The following COL12A1 variants were observed in gnomAD, a reference collection of about 807,000 sequenced individuals.
COL12A1 encodes the protein collagen type XII alpha 1 chain, also known as collagen alpha-1(XII) chain.
Under a neutral mutation model 349.7 loss-of-function variants are expected in COL12A1, and 114 were observed. The observed-to-expected ratio is 0.33, with a 90% CI of 0.28 to 0.38. The LOEUF (loss-of-function observed/expected upper bound fraction) is 0.38, where lower values mean the gene tolerates loss of function less well. COL12A1 is among the 10% of genes least tolerant of loss of function. The probability of loss-of-function intolerance (pLI) is 1.00; values close to 1 mark genes in which losing one functional copy is unlikely to be tolerated. For missense variants in COL12A1, 3,284 were observed against 3,756.9 expected (o/e 0.87, Z 3.29); for synonymous variants, 1,369 against 1,329.0 (o/e 1.03, Z -0.66).
At chr6:75,157,309 G>C (rs78359667) in intron 14 of COL12A1, among the ~76,000 whole-genome samples, 6,974 of 151,592 alleles carry the variant, frequency 0.046, 222 homozygotes, top group Non-Finnish European at 0.07. Flanking sequence ...GTGTTCAAAA[G>C]AACATAAACA....
intron 59 of COL12A1, among the ~76,000 whole-genome samples, chr6:75,095,897 C>T (rs1768004792): frequency 6.6e-6 from 1 of 152,068 alleles, no homozygotes; most frequent in Non-Finnish European, 1.5e-5. Context: ...AAAATTTAGG[C>T]TGGAGAAGAA....
Position 75,151,925 on chromosome 6 carries a change from G to A in COL12A1, c.3942C>T (p.Asp1314=), listed in dbSNP as rs570245614. The A allele has an allele frequency of 1.7e-5, 27 of 1,613,838 alleles. No homozygotes were observed. Among genetic ancestry groups the A allele is most frequent in the East Asian group, 1.3e-4 (6 of 44,880 alleles). ...GTTTCTTTGAAGGTGCTTCAACATC[G>A]TCTTGTGATTTTCCATCAGTAATGA... The part of the protein sequence containing the change: ...GVLITDGKSQ[D]DVEAPSKKLK... The change falls in exon 20 of 66, where the codon GAC becomes GAT. Residue 1314 remains aspartate, a synonymous_variant. Coordinates refer to ENST00000322507, the MANE Select transcript of COL12A1 (RefSeq NM_004370.6).
chr6:75,164,514 GC>G (rs989444485), intron 14 of COL12A1, among the ~76,000 whole-genome samples: 2 of 152,148 alleles, frequency 1.3e-5, no homozygotes, highest in African/African-American at 4.8e-5. Context: ...GCTTAGAAAT[GC>G]CCATGCTTAA....
At position 75,113,696 on chromosome 6, in the gene COL12A1, T is replaced by C. The variant is rs1189744894; in HGVS notation, c.7746A>G (p.Leu2582=). The change falls in exon 50 of 66, where the codon TTA becomes TTG. Residue 2582 remains leucine (L), a synonymous_variant. Coordinates refer to ENST00000322507, the MANE Select transcript of COL12A1 (RefSeq NM_004370.6). Reference sequence around the variant, plus strand: ...TGGGAGTTTCTGGGAGAAGTCTGAATAATAATATAATCGTGTATGAAGGAG... The same window carrying C: ...TGGGAGTTTCTGGGAGAAGTCTGAACAATAATATAATCGTGTATGAAGGAG... The part of the protein sequence containing the change: ...GLPPSYTIIL[L]FRLLPETPSD... 1.9e-6 allele frequency: 3 copies of C among 1,607,006 alleles called. No homozygotes were observed. Among genetic ancestry groups the C allele is most frequent in the Middle Eastern group, 1.7e-4 (1 of 6,024 alleles).
Position 75,084,531 on chromosome 6 carries a change from C to T in COL12A1, c.*2016G>A, listed in dbSNP as rs1013400275. ...ATACTAAATATACAACACAAACATG[C>T]AATTCCCTCTCTGCAGAATAATCTG... On this transcript the variant is annotated 3_prime_UTR_variant, in exon 66 of 66. Transcript: ENST00000322507. 5.2e-5 allele frequency: 8 copies of T among 152,600 alleles called. No individual in the cohort carries two copies. The highest frequency in any genetic ancestry group is 7.2e-5 in the African/African-American group (3 of 41,430). The allele number at this position is 152,600 out of a possible 1,614,324, so 9.5% of individuals were successfully genotyped here.
intron 63 of COL12A1, 74 bp from the exon 64 acceptor site, chr6:75,089,248 A>C (rs1246604973): frequency 2.8e-6 from 3 of 1,089,966 alleles, no homozygotes; most frequent in Non-Finnish European, 4.0e-6. Context: ...TTAACTGATA[A>C]TATTTGATTC....
Position 75,085,134 on chromosome 6 carries a change from A to G in COL12A1, c.*1413T>C. 1 of 436,824 alleles carries G rather than the reference A, an allele frequency of 2.3e-6. No homozygotes were observed. Among genetic ancestry groups the G allele is most frequent in the Non-Finnish European group, 4.6e-6 (1 of 215,356 alleles). 27.1% of individuals were successfully genotyped at this position (436,824 alleles called of 1,614,324 possible). On this transcript the variant is annotated 3_prime_UTR_variant, in exon 66 of 66. Transcript: ENST00000322507. The stretch of plus-strand genomic sequence containing the variant: ...ACGTACACTGCTCTATCTGACCTGT[A>G]AATGAGAATTTCAACACCTCCCCCA...
rs755221707 is a variant in COL12A1, at chr6:75,151,142, T to C, written c.4146A>G (p.Pro1382=). The change falls in exon 21 of 66, where the codon CCA becomes CCG. Residue 1382 remains proline (P), a splice_region_variant and synonymous_variant. Coordinates refer to ENST00000322507, the MANE Select transcript of COL12A1 (RefSeq NM_004370.6). The stretch of plus-strand genomic sequence containing the variant: ...AGAGAAACTCTGGGTTAAACTTACC[T>C]GGACCTTTGACACTGTTACACAAAT... ...TINLCNSVKG[P]GDLEAPSNLV... is the part of the protein sequence containing the mutation. The C allele has an allele frequency of 6.9e-6, 10 of 1,444,154 alleles. No homozygotes were observed. The South Asian group carries it at 1.1e-4, about 15-fold the overall frequency. The allele number at this position is 1,444,154 out of a possible 1,614,324, so 89.5% of individuals were successfully genotyped here. A position where few individuals can be genotyped will look rare whatever the true frequency, so the allele number is the denominator to read the frequency against.
Position 75,102,577 on chromosome 6 carries a change from C to A in COL12A1, c.8415+20G>T. 1 of 1,479,638 alleles carries A rather than the reference C, an allele frequency of 6.8e-7. No homozygotes were observed. Among genetic ancestry groups the A allele is most frequent in the South Asian group, 1.4e-5 (1 of 71,280 alleles). The allele number at this position is 1,479,638 out of a possible 1,614,324, so 91.7% of individuals were successfully genotyped here. ...GTTTATCCACCACTCTCATTTAATA[C>A]AGAAAGGCTTTGTGCTTACTTGCTC... On this transcript the variant is annotated intron_variant, in intron 56 of 65. Coordinates refer to ENST00000322507, the MANE Select transcript of COL12A1 (RefSeq NM_004370.6).
chr6:75,099,982 C>T (rs1768231431), intron 58 of COL12A1, among the ~76,000 whole-genome samples: 1 of 152,174 alleles, frequency 6.6e-6, no homozygotes, highest in Admixed American at 6.5e-5. Flanking sequence ...CAAAGTCTCT[C>T]TAATGTTCTA....
intron 13 of COL12A1, among the ~76,000 whole-genome samples, chr6:75,167,992 G>GA (rs1456551338): frequency 6.6e-6 from 1 of 152,202 alleles, no homozygotes; most frequent in Admixed American, 6.5e-5. Flanking sequence ...CTCAATCTCA[G>GA]AAAAAAACTC....
At position 75,086,672 on chromosome 6, in the gene COL12A1, A is replaced by C. The variant is rs1047264162; in HGVS notation, c.9182-115T>G. The C allele has an allele frequency of 6.6e-4, 217 of 331,276 alleles. 2 individuals are homozygous for C. The highest frequency in any genetic ancestry group is 3.1e-3 in the South Asian group (32 of 10,388). The allele number at this position is 331,276 out of a possible 1,614,324, so 20.5% of individuals were successfully genotyped here. ...AGTATATATATATATATATATATAT[A>C]TCCATATATTTTTAGTTATTCTCAC... On this transcript the variant is annotated intron_variant, in intron 65 of 65. Coordinates refer to ENST00000322507, the MANE Select transcript of COL12A1 (RefSeq NM_004370.6).
In COL12A1 at chr6:75,121,313, C is replaced by A; in HGVS notation, c.7075G>T (p.Ala2359Ser). 1.2e-6 allele frequency: 2 copies of A among 1,606,056 alleles called. No individual in the cohort carries two copies. The highest frequency in any genetic ancestry group is 1.1e-5 in the South Asian group (1 of 89,948). ...GGAATGACACTAACCTGAATCCCAG[C>A]AGGACTGATTTCATCAAAGCCTCCC... ...TVGGFDEISP[A>S]GIQVSFVQYS... Residue 2359 changes from alanine to serine, a missense_variant, in exon 44 of 66, where the codon GCT becomes TCT. Ala to Ser is a moderately conservative substitution (Grantham distance 99, BLOSUM62 1). Transcript: ENST00000322507.
At chr6:75,190,493 G>A (rs1388751123) in intron 5 of COL12A1, among the ~76,000 whole-genome samples, 2 of 151,876 alleles carry the variant, frequency 1.3e-5, no homozygotes, top group African/African-American at 2.4e-5. Flanking sequence ...TACTTTTAGT[G>A]AACAAAGAGG....
intron 54 of COL12A1, among the ~76,000 whole-genome samples, chr6:75,104,396 A>G (rs1768444427): frequency 6.6e-6 from 1 of 152,174 alleles, no homozygotes; most frequent in Non-Finnish European, 1.5e-5. Flanking sequence ...TGACATTTTG[A>G]TTCTATATAT....
In COL12A1 at chr6:75,084,790, C is replaced by T. The variant is rs1046864986; in HGVS notation, c.*1757G>A. The stretch of plus-strand genomic sequence containing the variant: ...GTTTTAGGAGGGGAATTATTTGAAT[C>T]GTGGTGTAATTGAATTGAAAATAAG... On this transcript the variant is annotated 3_prime_UTR_variant, in exon 66 of 66. Coordinates refer to ENST00000322507, the MANE Select transcript of COL12A1 (RefSeq NM_004370.6). 1 of 155,554 alleles carries T rather than the reference C, an allele frequency of 6.4e-6. No homozygotes were observed. The highest frequency in any genetic ancestry group is 2.4e-5 in the African/African-American group (1 of 41,450). 9.6% of individuals were successfully genotyped at this position (155,554 alleles called of 1,614,324 possible).
At chr6:75,170,576 G>C (rs995072932) in intron 13 of COL12A1, among the ~76,000 whole-genome samples, 4 of 152,088 alleles carry the variant, frequency 2.6e-5, no homozygotes, top group Non-Finnish European at 5.9e-5. Context: ...GAGCAAAAAA[G>C]TGTTTCTTCC....
At chr6:75,200,809 A>G (rs979975140) in intron 2 of COL12A1, among the ~76,000 whole-genome samples, 1 of 152,166 alleles carries the variant, frequency 6.6e-6, no homozygotes, top group African/African-American at 2.4e-5. Context: ...TGTGGCTTAC[A>G]TTTGTGGCTC....
chr6:75,176,175 G>A (rs1486751042), intron 12 of COL12A1, among the ~76,000 whole-genome samples: 2 of 152,190 alleles, frequency 1.3e-5, no homozygotes, highest in African/African-American at 4.8e-5. Flanking sequence ...AGGCTAATGA[G>A]CTAGGTTGCA....
Sources: gnomAD v4.1 joint callset for allele counts (sites outside exome capture counted in the v4.1 genomes callset) on GRCh38, gnomAD v4.1.1 for gene constraint, MANE v1.5 for transcripts, NCBI Gene and HGNC (gene_info 2026-07-23, HGNC 2026-07-21) for gene names.